The following AAMDC variants were observed in gnomAD, a reference collection of about 807,000 sequenced individuals.
The protein encoded by AAMDC is mth938 domain-containing protein.
Under a neutral mutation model 15.5 loss-of-function variants are expected in AAMDC, and 16 were observed. The ratio of observed to expected loss-of-function variants is 1.03; its 90% CI spans 0.70 to 1.57. The LOEUF (loss-of-function observed/expected upper bound fraction) is 1.57. Among genes scored for constraint, AAMDC ranks in the 40% most tolerant of loss-of-function variants. The pLI, the probability that AAMDC is intolerant of heterozygous loss-of-function variation, is 0.00. For missense variants in AAMDC, 141 were observed against 144.9 expected, an observed-to-expected ratio of 0.97 and a Z score of 0.14; for synonymous variants, 51 against 51.6, an observed-to-expected ratio of 0.99 and a Z score of 0.05.
chr11:77,874,713 A>G (rs1951550738), downstream of AAMDC, among the ~76,000 whole-genome samples: 1 of 152,274 alleles, frequency 6.6e-6, no homozygotes, highest in African/African-American at 2.4e-5. Flanking sequence ...CAAGCTGCCC[A>G]CAGGTCATTT....
intron 5 of AAMDC, among the ~76,000 whole-genome samples, chr11:77,897,667 AT>A (rs35910839): frequency 7.2e-4 from 105 of 145,766 alleles, no homozygotes; most frequent in South Asian, 6.6e-4. Flanking sequence ...CGCCCGGCTA[AT>A]TTTTTTTTTT....
intron 2 of AAMDC, among the ~76,000 whole-genome samples, chr11:77,863,287 A>G (rs1048496813): frequency 6.6e-5 from 10 of 152,192 alleles, no homozygotes; most frequent in Admixed American, 6.5e-5. Context: ...TCAGGAGCAC[A>G]GCAGACACCC....
chr11:77,893,891 TTAAA>T (rs56269909), intron 5 of AAMDC, among the ~76,000 whole-genome samples: 2,124 of 137,904 alleles, frequency 0.015, 49 homozygotes, highest in African/African-American at 0.05. Flanking sequence ...AGACTCTGTC[TTAAA>T]TAAATAAATA....
intron 1 of AAMDC, among the ~76,000 whole-genome samples, chr11:77,832,951 A>ATG (rs146936151): frequency 0.033 from 2,253 of 68,364 alleles, 130 homozygotes; most frequent in South Asian, 0.056. Context: ...GTATATATAT[A>ATG]TGTGTGTGTG....
intron 2 of AAMDC, chr11:77,851,063 A>G (rs1218379415): frequency 6.8e-6 from 1 of 146,834 alleles, no homozygotes; most frequent in East Asian, 2.0e-4. Context: ...TCAAGCAATT[A>G]TCTGCCTCAT....
intron 2 of AAMDC, among the ~76,000 whole-genome samples, chr11:77,865,976 A>T (rs1174601495): frequency 6.6e-6 from 1 of 152,244 alleles, no homozygotes; most frequent in Non-Finnish European, 1.5e-5. Context: ...AGCAATAATG[A>T]GAATGTGACT....
chr11:77,855,818 A>G (rs1464524309), intron 2 of AAMDC, among the ~76,000 whole-genome samples: 1 of 145,132 alleles, frequency 6.9e-6, no homozygotes, highest in Non-Finnish European at 1.5e-5. Context: ...TTCTTCCACC[A>G]GCCAAGTGCA....
At chr11:77,891,449 G>A (rs1952261036) in intron 5 of AAMDC, 4 of 1,613,818 alleles carry the variant, frequency 2.5e-6, no homozygotes, top group Non-Finnish European at 2.5e-6. Flanking sequence ...GATGGTGGCT[G>A]AGGCTTTGTG....
At chr11:77,840,609 A>G (rs942583203) in intron 1 of AAMDC, among the ~76,000 whole-genome samples, 5 of 152,170 alleles carry the variant, frequency 3.3e-5, no homozygotes, top group African/African-American at 7.2e-5. Context: ...GGGTATCCCT[A>G]TGTTACCCAG....
chr11:77,827,953 T>C (rs1299902558), intron 1 of AAMDC, among the ~76,000 whole-genome samples: 2 of 152,166 alleles, frequency 1.3e-5, no homozygotes, highest in Non-Finnish European at 2.9e-5. Context: ...TCCTGTGTTA[T>C]TCTGTACATT....
chr11:77,888,404 G>T (rs1202075713), intron 5 of AAMDC, among the ~76,000 whole-genome samples: 1 of 152,070 alleles, frequency 6.6e-6, no homozygotes, highest in Non-Finnish European at 1.5e-5. Context: ...CCTTCCTTAT[G>T]CCTTATACAA....
intron 5 of AAMDC, among the ~76,000 whole-genome samples, chr11:77,888,305 C>G (rs373615404): frequency 7.9e-5 from 12 of 152,182 alleles, no homozygotes; most frequent in African/African-American, 2.6e-4. Flanking sequence ...ACAAACCTGA[C>G]AAAAACAAGC....
intron 5 of AAMDC, among the ~76,000 whole-genome samples, chr11:77,894,910 A>G (rs1334273554): frequency 6.6e-6 from 1 of 152,174 alleles, no homozygotes; most frequent in Non-Finnish European, 1.5e-5. Flanking sequence ...TCTACATGCA[A>G]TTTACTCAGA....
At chr11:77,833,897 C>G (rs74688282) in intron 1 of AAMDC, among the ~76,000 whole-genome samples, 1,781 of 152,070 alleles carry the variant, frequency 0.012, 33 homozygotes, top group African/African-American at 0.04. Context: ...TTTATTCTGC[C>G]AGCTCTTAGC....
At chr11:77,889,444 C>A (rs1285025822) in intron 5 of AAMDC, among the ~76,000 whole-genome samples, 2 of 151,744 alleles carry the variant, frequency 1.3e-5, no homozygotes, top group Non-Finnish European at 2.9e-5. Context: ...ATACCTAATG[C>A]TAGATGACGA....
intron 2 of AAMDC, among the ~76,000 whole-genome samples, chr11:77,847,965 G>A (rs634477): frequency 0.34 from 52,166 of 151,870 alleles, 9,142 homozygotes; most frequent in East Asian, 0.46. Context: ...CAGAAAAAAA[G>A]AGGCAAATTC....
At chr11:77,824,374 A>T (rs1377836951) in intron 1 of AAMDC, among the ~76,000 whole-genome samples, 1 of 152,248 alleles carries the variant, frequency 6.6e-6, no homozygotes, top group Non-Finnish European at 1.5e-5. Context: ...ACTTGGTTCA[A>T]CTTTGTTTAT....
At chr11:77,887,523 G>A (rs1026624490) in intron 5 of AAMDC, among the ~76,000 whole-genome samples, 1 of 152,162 alleles carries the variant, frequency 6.6e-6, no homozygotes, top group Non-Finnish European at 1.5e-5. Flanking sequence ...AGACAGGGAT[G>A]CCCTCTCTCA....
At chr11:77,903,958 C>CTACTGG (rs1952860942), downstream of AAMDC, among the ~76,000 whole-genome samples, 1 of 152,206 alleles carries the variant, frequency 6.6e-6, no homozygotes, top group Non-Finnish European at 1.5e-5. Flanking sequence ...GTTCCCAGAG[C>CTACTGG]TACTGGACTA....
Sources: allele counts gnomAD v4.1 joint callset (sites outside exome capture counted in the v4.1 genomes callset), GRCh38; gene constraint gnomAD v4.1.1; transcripts MANE v1.5; gene names NCBI Gene and HGNC (gene_info 2026-07-23, HGNC 2026-07-21).